The following TMEM67 variants were observed in gnomAD, a reference collection of about 807,000 sequenced individuals.
TMEM67 encodes the protein meckelin.
Under a neutral mutation model 136.6 loss-of-function variants are expected in TMEM67, and 124 were observed. The observed-to-expected ratio is 0.91, with a 90% confidence interval of 0.78 to 1.05. The LOEUF is 1.05. Ranked by LOEUF, TMEM67 falls within the 50% of genes least tolerant of loss-of-function variation. The pLI, the probability that TMEM67 is intolerant of heterozygous loss-of-function variation, is 0.00. For synonymous variants in TMEM67, 364 were observed against 390.5 expected (o/e 0.93, Z 0.80); for missense variants, 1,107 against 1,178.4 (o/e 0.94, Z 0.89).
At chr8:93,803,322 C>T (rs979543476) in intron 21 of TMEM67, among the ~76,000 whole-genome samples, 1 of 152,184 alleles carries the variant, frequency 6.6e-6, no homozygotes, top group African/African-American at 2.4e-5. Context: ...TTTTAAAAGA[C>T]TTTTTCTTTC....
the TMEM67 span, among the ~76,000 whole-genome samples, chr8:93,830,774 CT>C: frequency 6.6e-6 from 1 of 152,244 alleles, no homozygotes; most frequent in African/African-American, 2.4e-5. Flanking sequence ...GTAGACTCAG[CT>C]TTTACCTCAG....
At chr8:93,814,627 C>T (rs573578089) in intron 26 of TMEM67, among the ~76,000 whole-genome samples, 1 of 151,720 alleles carries the variant, frequency 6.6e-6, no homozygotes, top group South Asian at 2.1e-4. Context: ...CCAGCAGACC[C>T]ACCAGACCTA....
intron 23 of TMEM67, among the ~76,000 whole-genome samples, chr8:93,805,557 G>A (rs1815106052): frequency 6.6e-6 from 1 of 150,952 alleles, no homozygotes; most frequent in East Asian, 2.0e-4. Flanking sequence ...CTCCAGCTTG[G>A]GCGACAGAGC....
chr8:93,760,414 T>G (rs1188575874), intron 3 of TMEM67, among the ~76,000 whole-genome samples: 1 of 152,330 alleles, frequency 6.6e-6, no homozygotes, highest in Admixed American at 6.5e-5. Flanking sequence ...TAAAACTGAT[T>G]AATGATGCTG....
chr8:93,826,552 G>A, the TMEM67 span, among the ~76,000 whole-genome samples: 1 of 152,194 alleles, frequency 6.6e-6, no homozygotes, highest in African/African-American at 2.4e-5. Context: ...TTGGGTAGTG[G>A]AAAGTACACT....
chr8:93,781,556 A>C, intron 9 of TMEM67, 102 bp from the exon 10 acceptor site: 1 of 547,936 alleles, frequency 1.8e-6, no homozygotes, highest in East Asian at 3.0e-5. Context: ...ATTGAATGTA[A>C]TTTTTCAACA....
At chr8:93,818,986 G>A (rs752271074), downstream of TMEM67, 4 of 406,516 alleles carry the variant, frequency 9.8e-6, no homozygotes, top group African/African-American at 6.4e-5. Flanking sequence ...TATTTTTTTT[G>A]TAGAGACAAG....
intron 14 of TMEM67, among the ~76,000 whole-genome samples, chr8:93,790,298 A>G (rs937299872): frequency 3.3e-5 from 5 of 152,142 alleles, no homozygotes; most frequent in Non-Finnish European, 5.9e-5. Context: ...ATATTTCAGA[A>G]TCTCTGATTC....
chr8:93,814,596 A>G (rs1446714824), intron 26 of TMEM67, among the ~76,000 whole-genome samples: 1 of 151,088 alleles, frequency 6.6e-6, no homozygotes, highest in Non-Finnish European at 1.5e-5. Flanking sequence ...CTTCCCAAAT[A>G]GCTAAGACTA....
Position 93,799,727 on chromosome 8 carries a change from C to T in TMEM67, c.2210C>T (p.Ala737Val), listed in dbSNP as rs760131058. Residue 737 changes from alanine (A) to valine (V), a missense_variant, in exon 21 of 28, where the codon GCT becomes GTT. Physicochemically the swap from Ala to Val is moderately conservative, Grantham distance 64. Transcript: ENST00000453321. The part of the protein sequence containing the change: ...YSCILRYAVS[A>V]ALWLAIGIIQ... ...TGCATTTTGAGATATGCAGTGTCTG[C>T]TGCTCTTTGGCTAGCCATTGGAATT... 6.2e-7 allele frequency: 1 copy of T among 1,613,792 alleles called. No individual in the cohort carries two copies. Among genetic ancestry groups the T allele is most frequent in the South Asian group, 1.1e-5 (1 of 91,072 alleles).
chr8:93,767,253 G>C (rs1488118303), intron 6 of TMEM67, among the ~76,000 whole-genome samples: 1 of 152,190 alleles, frequency 6.6e-6, no homozygotes, highest in African/African-American at 2.4e-5. Flanking sequence ...CTTTTCAGTG[G>C]ACTGCATCAC....
chr8:93,810,114 G>T (rs1203318204), intron 26 of TMEM67: 13 of 365,950 alleles, frequency 3.6e-5, no homozygotes, highest in Non-Finnish European at 6.0e-5. Flanking sequence ...GACTACAGGC[G>T]CCCGCCATCA....
rs1207112343 is a variant in TMEM67 at position 93,816,407 on chromosome 8, G to T, written c.2943G>T (p.Lys981Asn). 1 of 1,594,876 alleles carries T rather than the reference G, an allele frequency of 6.3e-7. No individual in the cohort carries two copies. Among genetic ancestry groups the T allele is most frequent in the Non-Finnish European group, 8.6e-7 (1 of 1,165,284 alleles). The stretch of plus-strand genomic sequence containing the variant: ...ATATCCGTAATACAGTAGGACAAAA[G>T]AATTTGGCATCCAAAACATTGGTGG... Reference protein sequence around the residue: ...FRYIRNTVGQKNLASKTLVDQ... With the variant: ...FRYIRNTVGQNNLASKTLVDQ... The change falls in exon 28 of 28, where the codon AAG (lysine) becomes AAT (asparagine). Residue 981 changes from lysine (K) to asparagine (N), a missense_variant. This residue lies in a region of TMEM67 where 925 missense variants were observed against 1,002.4 expected (regional missense o/e 0.92). Coordinates refer to ENST00000453321, the MANE Select transcript of TMEM67 (RefSeq NM_153704.6).
chr8:93,788,541 G>A (rs539919746), intron 14 of TMEM67, among the ~76,000 whole-genome samples: 14 of 152,122 alleles, frequency 9.2e-5, no homozygotes, highest in African/African-American at 2.9e-4. Flanking sequence ...CAGCCTGGGC[G>A]AAAGAGCAAG....
intron 7 of TMEM67, among the ~76,000 whole-genome samples, chr8:93,776,195 A>G (rs904172164): frequency 6.6e-6 from 1 of 152,140 alleles, no homozygotes; most frequent in Non-Finnish European, 1.5e-5. Context: ...ATTTTTGCAC[A>G]TTGATTTTGT....
intron 16 of TMEM67, 69 bp downstream of exon 16, chr8:93,793,365 C>T: frequency 7.8e-7 from 1 of 1,287,430 alleles, no homozygotes; most frequent in Non-Finnish European, 1.1e-6. Flanking sequence ...TCATAAGACA[C>T]AGCTAGAGAA....
rs549129746 is a variant in TMEM67, at chr8:93,805,595, A to G, written c.2439+717A>G. 1.9e-4 allele frequency among the ~76,000 whole-genome samples: 29 copies of G among 152,046 alleles called. 1 individual carries two copies. The highest frequency in any genetic ancestry group is 3.4e-3 in the Middle Eastern group (1 of 294). On this transcript the variant is annotated intron_variant, in intron 23 of 27. Transcript: ENST00000453321. ...GACTCCGTCTCAAAAAAAAAAAAAA[A>G]AAAGAAAGTTGCTAGGGACCAACTC...
chr8:93,767,574 T>A (rs1813131427), intron 6 of TMEM67, among the ~76,000 whole-genome samples: 1 of 152,236 alleles, frequency 6.6e-6, no homozygotes, highest in East Asian at 1.9e-4. Flanking sequence ...TCCCCATTCA[T>A]ACACTTATTT....
At chr8:93,815,827 C>T (rs1808884854) in intron 27 of TMEM67, among the ~76,000 whole-genome samples, 1 of 57,620 alleles carries the variant, frequency 1.7e-5, no homozygotes, top group East Asian at 1.4e-3. Context: ...GGCTCAGCAC[C>T]AAAGCTTGCA....
Sources: allele counts gnomAD v4.1 joint callset (sites outside exome capture counted in the v4.1 genomes callset), GRCh38; gene constraint gnomAD v4.1.1; regional missense constraint gnomAD v4.1.1; transcripts MANE v1.5; gene names NCBI Gene and HGNC (gene_info 2026-07-23, HGNC 2026-07-21).